The following CLN8 variants were observed in gnomAD, a reference collection of about 807,000 sequenced individuals.
CLN8 encodes the protein CLN8 transmembrane ER and ERGIC protein.
In CLN8, 14 loss-of-function variants were observed where a neutral mutation model predicts 15.7. That is an observed-to-expected ratio of 0.89 (90% CI 0.59 to 1.39). CLN8 has a LOEUF of 1.39. CLN8 is among the 40% of genes most tolerant of loss of function. The pLI, the probability that CLN8 is intolerant of heterozygous loss-of-function variation, is 0.00. For synonymous variants in CLN8, 188 were observed against 151.0 expected (o/e 1.25, Z -1.80); for missense variants, 415 against 364.0 (o/e 1.14, Z -1.14).
chr8:1,756,127 G>A (rs1039525856), intron 1 of CLN8: 3 of 152,180 alleles, frequency 2.0e-5, no homozygotes, highest in African/African-American at 7.2e-5. Context: ...CCACTTCCCT[G>A]TGCTGCTTTC....
intron 2 of CLN8, among the ~76,000 whole-genome samples, chr8:1,772,771 T>G (rs1162236833): frequency 6.6e-6 from 1 of 152,200 alleles, no homozygotes; most frequent in Non-Finnish European, 1.5e-5. Context: ...TGAGCCACCG[T>G]GCACAGCCTT....
At position 1,780,867 on chromosome 8, in the gene CLN8, G is replaced by A. The variant is rs939719686; in HGVS notation, c.*300G>A. ...CGGGGCGTCACACCTGTTGAGGAGT[G>A]GGGTGGCTTTGAATGCTGGAAATGG... On this transcript the variant is annotated 3_prime_UTR_variant, in exon 3 of 3. Transcript: ENST00000331222. 7.3e-5 allele frequency: 35 copies of A among 478,532 alleles called. No homozygotes were observed. Among genetic ancestry groups the A allele is most frequent in the South Asian group, 4.7e-4 (17 of 35,826 alleles). The allele number at this position is 478,532 out of a possible 1,614,324, so 29.6% of individuals were successfully genotyped here. A position where few individuals can be genotyped will look rare whatever the true frequency, so the allele number is the denominator to read the frequency against.
At chr8:1,774,530 A>G (rs1189668969) in intron 2 of CLN8, among the ~76,000 whole-genome samples, 1 of 152,188 alleles carries the variant, frequency 6.6e-6, no homozygotes. Flanking sequence ...CTCCCCCATC[A>G]AGGTCTGATT....
At position 1,783,173 on chromosome 8, in the gene CLN8, T is replaced by C. The variant is rs1032144714; in HGVS notation, c.*2606T>C. 1 of 152,300 alleles carries C rather than the reference T, an allele frequency of 6.6e-6. No homozygotes were observed. The highest frequency in any genetic ancestry group is 2.4e-5 in the African/African-American group (1 of 41,476). The allele number at this position is 152,300 out of a possible 1,614,324, so 9.4% of individuals were successfully genotyped here. Reference sequence around the variant, plus strand: ...ATAGTGGAGCATGGTACAAGCGACATTCATGAGCTCTGACTTCTTGGTGCC... The same window carrying C: ...ATAGTGGAGCATGGTACAAGCGACACTCATGAGCTCTGACTTCTTGGTGCC... On this transcript the variant is annotated 3_prime_UTR_variant, in exon 3 of 3. Coordinates refer to ENST00000331222, the MANE Select transcript of CLN8 (RefSeq NM_018941.4).
Position 1,771,447 on chromosome 8 carries a change from TGAC to T in CLN8, c.394_396del (p.Asp132del). The T allele has an allele frequency of 6.2e-6, 10 of 1,614,230 alleles. No homozygotes were observed. The highest frequency in any genetic ancestry group is 8.5e-6 in the Non-Finnish European group (10 of 1,180,044). Reference sequence around the variant, plus strand: ...TGTCCAACTTGATCTTCCGGACATTTGACTTGTTTCTGGTTATCCACCATCTCT... The same window carrying T: ...TGTCCAACTTGATCTTCCGGACATTTTTGTTTCTGGTTATCCACCATCTCT... On this transcript the variant is annotated inframe_deletion, in exon 2 of 3. Transcript: ENST00000331222.
upstream of CLN8, among the ~76,000 whole-genome samples, chr8:1,754,395 T>C (rs546985132): frequency 2.6e-5 from 4 of 152,346 alleles, no homozygotes; most frequent in Non-Finnish European, 2.9e-5. Context: ...TCCAGTCTTA[T>C]GTAAAAATGA....
chr8:1,774,036 C>T (rs1801416866), intron 2 of CLN8: 1 of 152,142 alleles, frequency 6.6e-6, no homozygotes, highest in African/African-American at 2.4e-5. Flanking sequence ...ACAAGAAAGA[C>T]GTGAGTCTTT....
intron 1 of CLN8, among the ~76,000 whole-genome samples, chr8:1,766,806 A>G (rs943503119): frequency 3.3e-5 from 5 of 152,174 alleles, no homozygotes; most frequent in East Asian, 3.9e-4. Context: ...AACAGTGGGA[A>G]CCCCTGTGTC....
At chr8:1,760,013 G>A (rs1265026877), upstream of CLN8, 2 of 152,228 alleles carry the variant, frequency 1.3e-5, no homozygotes, top group African/African-American at 2.4e-5. Flanking sequence ...ACCTCACAAT[G>A]AGCGTATATT....
chr8:1,761,478 C>A (rs1800795351), upstream of CLN8, among the ~76,000 whole-genome samples: 2 of 152,220 alleles, frequency 1.3e-5, no homozygotes, highest in African/African-American at 4.8e-5. Flanking sequence ...GCGTGCACCA[C>A]CACGCCTGGC....
At chr8:1,775,778 C>T (rs766841554) in intron 2 of CLN8, among the ~76,000 whole-genome samples, 2 of 152,012 alleles carry the variant, frequency 1.3e-5, no homozygotes, top group Admixed American at 6.6e-5. Context: ...TTCAGAACAT[C>T]GACTCTTCAG....
chr8:1,766,208 A>G lies in CLN8; in HGVS notation c.-124+2323A>G, dbSNP rs903371796. ...ATCTTATAAGACAAGCTTTTTGTAT[A>G]CATTTTCTCCAAAGAAAATGAAGAT... On this transcript the variant is annotated intron_variant, in intron 1 of 2. Coordinates refer to ENST00000331222, the MANE Select transcript of CLN8 (RefSeq NM_018941.4). Among the ~76,000 whole-genome samples the G allele has an allele frequency of 1.2e-4, 18 of 152,300 alleles. 1 individual carries two copies. The highest frequency in any genetic ancestry group is 4.3e-4 in the African/African-American group (18 of 41,560).
chr8:1,765,003 T>C (rs974187609), intron 1 of CLN8: 1 of 152,180 alleles, frequency 6.6e-6, no homozygotes, highest in Non-Finnish European at 1.5e-5. Context: ...GTGTGAGTGA[T>C]TGAGGGAATA....
intron 1 of CLN8, among the ~76,000 whole-genome samples, chr8:1,768,908 A>G (rs1411047276): frequency 1.3e-5 from 2 of 152,252 alleles, no homozygotes; most frequent in Non-Finnish European, 2.9e-5. Context: ...GTCTTGATAT[A>G]TAGCATGACC....
chr8:1,774,711 G>A (rs147416690), intron 2 of CLN8, among the ~76,000 whole-genome samples: 46 of 152,332 alleles, frequency 3.0e-4, no homozygotes, highest in African/African-American at 1.0e-3. Flanking sequence ...AGCACTGTCA[G>A]GCCAAGTGCG....
chr8:1,777,033 A>T (rs1801547106), intron 2 of CLN8, among the ~76,000 whole-genome samples: 1 of 152,158 alleles, frequency 6.6e-6, no homozygotes, highest in Non-Finnish European at 1.5e-5. Context: ...TGTTCTGAGA[A>T]ATGTGTCCTT....
At chr8:1,763,424 C>G (rs1349128908), upstream of CLN8, 2 of 33,178 alleles carry the variant, frequency 6.0e-5, no homozygotes, top group Admixed American at 2.3e-4. Flanking sequence ...GCGCCCCGCC[C>G]CCCGCCGCGC....
intron 1 of CLN8, among the ~76,000 whole-genome samples, chr8:1,767,568 T>TTC (rs1268546675): frequency 1.5e-5 from 2 of 129,780 alleles, no homozygotes; most frequent in African/African-American, 6.0e-5. Flanking sequence ...TTTCTTTCTT[T>TTC]TTTTTTTTTT....
At chr8:1,759,986 T>C (rs891189272), upstream of CLN8, 41 of 152,326 alleles carry the variant, frequency 2.7e-4, no homozygotes, top group African/African-American at 9.1e-4. Context: ...CAGTCTTTTT[T>C]GTAATGGAAC....
Sources: allele counts gnomAD v4.1 joint callset (sites outside exome capture counted in the v4.1 genomes callset), GRCh38; gene constraint gnomAD v4.1.1; transcripts MANE v1.5; gene names NCBI Gene and HGNC (gene_info 2026-07-23, HGNC 2026-07-21).